Variants in JPH3 observed in about 807,000 individuals in gnomAD.
JPH3 encodes the protein junctophilin-3.
JPH3 carries 11 observed loss-of-function variants against 59.6 expected under a neutral mutation model. That is an observed-to-expected ratio of 0.18 (90% CI 0.12 to 0.31). The LOEUF (loss-of-function observed/expected upper bound fraction) is 0.31. JPH3 is among the 10% of genes least tolerant of loss of function. The probability of loss-of-function intolerance (pLI) is 1.00; values close to 1 mark genes in which losing one functional copy is unlikely to be tolerated. For synonymous variants in JPH3, 673 were observed against 483.6 expected (o/e 1.39, Z -5.14); for missense variants, 1,202 against 1,105.7 (o/e 1.09, Z -1.24).
chr16:87,671,024 G>C (rs1007370349), intron 2 of JPH3, among the ~76,000 whole-genome samples: 1 of 152,220 alleles, frequency 6.6e-6, no homozygotes, highest in African/African-American at 2.4e-5. Flanking sequence ...TCCTGGGGCT[G>C]TGGCCCGTAC....
At chr16:87,604,637 C>T in intron 1 of JPH3, 11 of 1,183,172 alleles carry the variant, frequency 9.3e-6, no homozygotes, top group Non-Finnish European at 1.2e-5. Context: ...TACGTGTGCT[C>T]TAGTCCTCCC....
intron 1 of JPH3, among the ~76,000 whole-genome samples, chr16:87,622,109 C>G (rs1360816579): frequency 1.3e-5 from 2 of 151,984 alleles, no homozygotes; most frequent in Admixed American, 6.6e-5. Flanking sequence ...CAGGGGGGGG[C>G]CCCTTTGGGG....
intron 4 of JPH3, among the ~76,000 whole-genome samples, chr16:87,692,975 C>CT (rs2033642521): frequency 6.6e-6 from 1 of 152,230 alleles, no homozygotes; most frequent in South Asian, 2.1e-4. Flanking sequence ...GGTGGGGGAA[C>CT]TTTGCACCAG....
intron 1 of JPH3, chr16:87,604,088 GGTGGT>G: frequency 1.0e-6 from 1 of 985,484 alleles, no homozygotes; most frequent in Non-Finnish European, 1.2e-6. Flanking sequence ...TACACTTCTA[GGTGGT>G]TGGACGCGGA....
rs775431614 is a variant in JPH3 at position 87,684,156 on chromosome 16, G to A, written c.1175G>A (p.Arg392Gln). The A allele has an allele frequency of 1.1e-5, 18 of 1,613,290 alleles. No homozygotes were observed. Among genetic ancestry groups the A allele is most frequent in the Admixed American group, 5.0e-5 (3 of 59,972 alleles). The change falls in exon 3 of 5, where the codon CGG becomes CAG. Residue 392 changes from arginine to glutamine, a missense_variant. Transcript: ENST00000284262. Reference protein sequence around the residue: ...EIAASRTSHSRAKAEAALTAA... With the variant: ...EIAASRTSHSQAKAEAALTAA... Reference sequence around the variant, plus strand: ...GTCTCCCCCAGGACCTCCCACTCTCGGGCAAAGGCCGAGGCAGCCCTCACA... The same window carrying A: ...GTCTCCCCCAGGACCTCCCACTCTCAGGCAAAGGCCGAGGCAGCCCTCACA...
At chr16:87,636,275 C>G (rs1425502721) in intron 1 of JPH3, among the ~76,000 whole-genome samples, 3 of 152,216 alleles carry the variant, frequency 2.0e-5, no homozygotes, top group African/African-American at 7.2e-5. Flanking sequence ...CTGCGCCGTT[C>G]AGCTCAGTTG....
At chr16:87,630,180 G>A (rs776360653) in intron 1 of JPH3, among the ~76,000 whole-genome samples, 2 of 152,132 alleles carry the variant, frequency 1.3e-5, no homozygotes, top group Non-Finnish European at 2.9e-5. Flanking sequence ...CTGGCCTTCC[G>A]AATCCCTTCT....
At chr16:87,678,094 TAAAC>T (rs999446754) in intron 2 of JPH3, among the ~76,000 whole-genome samples, 14 of 151,608 alleles carry the variant, frequency 9.2e-5, no homozygotes, top group Admixed American at 8.5e-4. Context: ...TCTACAAAAA[TAAAC>T]AAAATTAGCC....
At chr16:87,648,516 C>T (rs1372603354) in intron 2 of JPH3, among the ~76,000 whole-genome samples, 2 of 152,152 alleles carry the variant, frequency 1.3e-5, no homozygotes, top group Non-Finnish European at 2.9e-5. Flanking sequence ...AAACGGTTTG[C>T]GGTGTCCTCC....
At chr16:87,675,387 G>A (rs1002816417) in intron 2 of JPH3, among the ~76,000 whole-genome samples, 4 of 152,288 alleles carry the variant, frequency 2.6e-5, no homozygotes, top group Admixed American at 6.5e-5. Flanking sequence ...CAGCCTCCCC[G>A]TCCAGCCTTC....
rs565358051 is a variant in JPH3 at position 87,635,404 on chromosome 16, G to A, written c.383-8854G>A. Among the ~76,000 whole-genome samples the A allele has an allele frequency of 1.4e-3, 209 of 152,314 alleles. 1 individual carries two copies. Among genetic ancestry groups the A allele is most frequent in the African/African-American group, 4.9e-3 (204 of 41,578 alleles). On this transcript the variant is annotated intron_variant, in intron 1 of 4. Coordinates refer to ENST00000284262, the MANE Select transcript of JPH3 (RefSeq NM_020655.4). ...AGAAACAAGGGTGTGAGATGTGCAG[G>A]CCCTGGTGAGAGACAGGCAGCAGCA...
chr16:87,688,092 C>T (rs2033462125), intron 3 of JPH3, among the ~76,000 whole-genome samples: 2 of 152,190 alleles, frequency 1.3e-5, no homozygotes, highest in Admixed American at 6.5e-5. Context: ...CACAGACCTT[C>T]TCTGGCCCAT....
intron 4 of JPH3, among the ~76,000 whole-genome samples, chr16:87,691,859 G>A (rs2033590557): frequency 2.6e-5 from 4 of 152,242 alleles, no homozygotes; most frequent in East Asian, 1.9e-4. Flanking sequence ...CTGTGCGCGC[G>A]CGGTTATTTT....
chr16:87,625,156 A>G (rs1219448946), intron 1 of JPH3, among the ~76,000 whole-genome samples: 2 of 152,208 alleles, frequency 1.3e-5, no homozygotes, highest in South Asian at 2.1e-4. Context: ...CACCTGGCCC[A>G]TGGCTTCTTT....
intron 2 of JPH3, among the ~76,000 whole-genome samples, chr16:87,680,163 T>G (rs1234594683): frequency 6.6e-6 from 1 of 152,238 alleles, no homozygotes; most frequent in Non-Finnish European, 1.5e-5. Context: ...TTTCCCTGTC[T>G]TCAGTAAGGG....
chr16:87,604,750 C>T, intron 1 of JPH3: 3 of 875,656 alleles, frequency 3.4e-6, no homozygotes, highest in Non-Finnish European at 4.5e-6. Context: ...ATTATTTTGG[C>T]TTATGCAACT....
At chr16:87,640,702 T>C (rs1051120185) in intron 1 of JPH3, among the ~76,000 whole-genome samples, 17 of 152,162 alleles carry the variant, frequency 1.1e-4, no homozygotes, top group African/African-American at 4.1e-4. Context: ...CAACAAACGC[T>C]TTTTAAATAT....
chr16:87,651,698 A>C (rs575129460), intron 2 of JPH3, among the ~76,000 whole-genome samples: 2 of 152,364 alleles, frequency 1.3e-5, no homozygotes, highest in South Asian at 4.1e-4. Flanking sequence ...CACTCGAAAG[A>C]CTGAGGAGTT....
intron 1 of JPH3, among the ~76,000 whole-genome samples, chr16:87,632,030 C>T (rs1164455416): frequency 6.6e-6 from 1 of 152,024 alleles, no homozygotes; most frequent in Non-Finnish European, 1.5e-5. Flanking sequence ...TTGTCCCTGC[C>T]AAGGCTTCTC....
Sources: gnomAD v4.1 joint callset for allele counts (sites outside exome capture counted in the v4.1 genomes callset) on GRCh38, gnomAD v4.1.1 for gene constraint, MANE v1.5 for transcripts, NCBI Gene and HGNC (gene_info 2026-07-23, HGNC 2026-07-21) for gene names.